MUC4: variants seen among roughly 807,000 people sequenced by gnomAD.
MUC4 encodes the protein mucin 4, cell surface associated, also known as mucin-4.
In MUC4, 202 loss-of-function variants were observed where a neutral mutation model predicts 257.9. That is an observed-to-expected ratio of 0.78 (90% CI 0.70 to 0.88). The LOEUF is 0.88. Ranked by LOEUF, MUC4 falls within the 40% of genes least tolerant of loss-of-function variation. MUC4 has a pLI of 0.00. For missense variants in MUC4, 5,976 were observed against 6,513.7 expected, an observed-to-expected ratio of 0.92 and a Z score of 2.84; for synonymous variants, 2,351 against 2,757.1, an observed-to-expected ratio of 0.85 and a Z score of 4.62.
intron 7 of MUC4, 149 bp from the exon 8 acceptor site, chr3:195,766,900 C>T (rs1720634419): frequency 1.5e-6 from 1 of 681,612 alleles, no homozygotes; most frequent in African/African-American, 1.8e-5. Flanking sequence ...CCCCCATCGT[C>T]AAGCCCCAGC....
Position 195,778,358 on chromosome 3 carries a change from G to A in MUC4, c.12888C>T (p.Ser4296=), listed in dbSNP as rs764590759. ...CTGTGGAGCGGGTGTGCATGGCAGT[G>A]CTGGGAATGGTGGAAATGATGGTCT... ...TSQTIISTIP[S]TAMHTRSTAA... Residue 4296 remains serine, a synonymous_variant, in exon 3 of 25, where the codon AGC becomes AGT. Coordinates refer to ENST00000463781, the MANE Select transcript of MUC4 (RefSeq NM_018406.7). 11 of 1,613,100 alleles carry A rather than the reference G, an allele frequency of 6.8e-6. No individual in the cohort carries two copies. The South Asian group carries it at 1.2e-4, about 18-fold the overall frequency.
intron 4 of MUC4, among the ~76,000 whole-genome samples, chr3:195,773,053 C>G (rs1383329114): frequency 7.2e-6 from 1 of 139,416 alleles, no homozygotes; most frequent in African/African-American, 2.7e-5. Flanking sequence ...CTCCCTTCAT[C>G]GCTCAGGGGT....
At chr3:195,767,822 A>G (rs1721679987) in intron 7 of MUC4, among the ~76,000 whole-genome samples, 1 of 111,230 alleles carries the variant, frequency 9.0e-6, no homozygotes, top group African/African-American at 4.6e-5. Context: ...CATCACCACC[A>G]CCACCACCAT....
Position 195,778,828 on chromosome 3 carries a change from G to A in MUC4, c.12752C>T (p.Thr4251Ile), listed in dbSNP as rs199497023. ...LAVSSATSAS[T>I]VSSDSPLKME... ...CTTCAGAGGGGAGTCCGAGGATACT[G>A]TGGAAGCTGAGGTAGCACTGCTGAC... The change falls in exon 2 of 25, where the codon ACA (threonine) becomes ATA (isoleucine). Residue 4251 changes from threonine (T) to isoleucine (I), a missense_variant. Transcript: ENST00000463781. The A allele has an allele frequency of 2.5e-6, 4 of 1,611,862 alleles. No individual in the cohort carries two copies. Among genetic ancestry groups the A allele is most frequent in the Non-Finnish European group, 1.7e-6 (2 of 1,179,156 alleles).
chr3:195,760,928 G>A lies in MUC4; in HGVS notation c.14804C>T (p.Thr4935Met), dbSNP rs533873966. 6.6e-5 allele frequency: 106 copies of A among 1,614,072 alleles called. No individual in the cohort carries two copies. The highest frequency in any genetic ancestry group is 8.1e-5 in the Non-Finnish European group (96 of 1,180,034). ...ALRNASIGLHTREVSKNYEQA... is the reference protein window; with the variant it reads ...ALRNASIGLHMREVSKNYEQA... ...CTCGTAGTTTTTACTGACTTCCCTCGTGTGAAGTCCGATGCTTGCGTTGCG... is the reference window on the plus strand; with the variant it reads ...CTCGTAGTTTTTACTGACTTCCCTCATGTGAAGTCCGATGCTTGCGTTGCG... Residue 4935 changes from threonine (T) to methionine (M), a missense_variant, in exon 16 of 25, where the codon ACG becomes ATG. Around this residue, in one of 44 missense-constraint regions of MUC4, gnomAD observed 996 missense variants for 1,137.3 expected, o/e 0.88. Coordinates refer to ENST00000463781, the MANE Select transcript of MUC4 (RefSeq NM_018406.7).
chr3:195,801,950 G>C (rs921010676), intron 1 of MUC4, among the ~76,000 whole-genome samples: 1 of 151,506 alleles, frequency 6.6e-6, no homozygotes, highest in Non-Finnish European at 1.5e-5. Context: ...TCTCTCCCCC[G>C]CTCCACGCCC....
In MUC4 at chr3:195,757,722, C is replaced by G. The variant is rs1029897391; in HGVS notation, c.14987-394G>C. ...AAACTGGCTTCACTCTCACGGCAGCCCCATCCTTTGCCCTGATTTCTCACC... is the reference window on the plus strand; with the variant it reads ...AAACTGGCTTCACTCTCACGGCAGCGCCATCCTTTGCCCTGATTTCTCACC... On this transcript the variant is annotated intron_variant, in intron 17 of 24. Coordinates refer to ENST00000463781, the MANE Select transcript of MUC4 (RefSeq NM_018406.7). This position sits in a 1 kb window ranked among gnomAD's most constrained non-coding sequence, Gnocchi z 4.8. 1.3e-5 allele frequency among the ~76,000 whole-genome samples: 2 copies of G among 151,976 alleles called. No individual in the cohort carries two copies. The highest frequency in any genetic ancestry group is 4.8e-5 in the African/African-American group (2 of 41,364).
At chr3:195,802,987 G>A (rs756326330) in intron 1 of MUC4, among the ~76,000 whole-genome samples, 3 of 151,630 alleles carry the variant, frequency 2.0e-5, no homozygotes, top group Non-Finnish European at 2.9e-5. Context: ...TCTTCTCACC[G>A]TCTGTACACA....
Position 195,789,804 on chromosome 3 carries a change from C to A in MUC4, c.1776G>T (p.Thr592=). 1 of 1,613,924 alleles carries A rather than the reference C, an allele frequency of 6.2e-7. No individual in the cohort carries two copies. The highest frequency in any genetic ancestry group is 8.5e-7 in the Non-Finnish European group (1 of 1,179,858). The change falls in exon 2 of 25, where the codon ACG becomes ACT. Residue 592 remains threonine (T), a synonymous_variant. Transcript: ENST00000463781. ...TAGGTGAAGAAGATGGGGATGTGGC[C>A]GTTTTTATCATCTGAGTCACACTGT... is the stretch of plus-strand genomic sequence containing the variant. ...PSYSVTQMIK[T]ATSPSSSPML...
rs1334017370 is a variant in MUC4 at position 195,770,275 on chromosome 3, A to C, written c.13339T>G (p.Trp4447Gly). ...TTGACCCACGTGACCTTTAGGGCCC[A>C]CCTGGCCTTGTAGCCCCCGTTGTTT... ...MTNNGGYKAR[W>G]ALKVTWVNAH... The change falls in exon 6 of 25, where the codon TGG becomes GGG. Residue 4447 changes from tryptophan to glycine, a missense_variant. Trp to Gly is a radical substitution (Grantham distance 184). Coordinates refer to ENST00000463781, the MANE Select transcript of MUC4 (RefSeq NM_018406.7). The C allele has an allele frequency of 6.2e-7, 1 of 1,614,014 alleles. No individual in the cohort carries two copies. Among genetic ancestry groups the C allele is most frequent in the Middle Eastern group, 1.6e-4 (1 of 6,062 alleles).
chr3:195,778,729 T>C (rs528407519), intron 2 of MUC4, 61 bp downstream of exon 2: 2 of 1,500,854 alleles, frequency 1.3e-6, no homozygotes, highest in African/African-American at 2.8e-5. Flanking sequence ...AGGTACTCCT[T>C]AGGCTGAATT....
At chr3:195,806,146 T>G (rs146870088) in intron 1 of MUC4, among the ~76,000 whole-genome samples, 14 of 152,212 alleles carry the variant, frequency 9.2e-5, no homozygotes, top group African/African-American at 3.1e-4. Context: ...TAACATAAAA[T>G]TCATAATCTA....
Position 195,772,773 on chromosome 3 carries a change from C to T in MUC4, c.13078-957G>A, listed in dbSNP as rs1578123808. 5.5e-5 allele frequency among the ~76,000 whole-genome samples: 8 copies of T among 146,068 alleles called. 1 individual carries two copies. Among genetic ancestry groups the T allele is most frequent in the African/African-American group, 1.0e-4 (4 of 39,902 alleles). On this transcript the variant is annotated intron_variant, in intron 4 of 24. Coordinates refer to ENST00000463781, the MANE Select transcript of MUC4 (RefSeq NM_018406.7). Reference sequence around the variant, plus strand: ...AGGGGTGTAGACACCCCCTCTCCATCGCTCAGGGGTGTAGACACCCCCTCT... The same window carrying T: ...AGGGGTGTAGACACCCCCTCTCCATTGCTCAGGGGTGTAGACACCCCCTCT...
chr3:195,748,236 C>G (rs1233283513), intron 24 of MUC4, among the ~76,000 whole-genome samples: 1 of 152,276 alleles, frequency 6.6e-6, no homozygotes, highest in Non-Finnish European at 1.5e-5. Flanking sequence ...CACAAGGAGA[C>G]AGCAGGGAAG....
In MUC4 at chr3:195,749,016, C is replaced by G; in HGVS notation, c.15920G>C (p.Gly5307Ala). 1 of 1,609,568 alleles carries G rather than the reference C, an allele frequency of 6.2e-7. No homozygotes were observed. The highest frequency in any genetic ancestry group is 2.2e-5 in the East Asian group (1 of 44,678). The stretch of plus-strand genomic sequence containing the variant: ...CTGGGGGCTGTAGACCAGGTCGTAG[C>G]CCTTGTAGCCATCGCATCTGAAGTA... ...KAYFRCDGYK[G>A]YDLVYSPQSG... The change falls in exon 24 of 25, where the codon GGC (glycine) becomes GCC (alanine). Residue 5307 changes from glycine to alanine, a missense_variant. By Grantham distance (60) the Gly-to-Ala change is moderately conservative (BLOSUM62 0). Around this residue, in one of 44 missense-constraint regions of MUC4, gnomAD observed 310 missense variants for 242.1 expected, o/e 1.28. Transcript: ENST00000463781.
rs1733771134 is a variant in MUC4, at chr3:195,790,870, T to G, written c.710A>C (p.Gln237Pro). The G allele has an allele frequency of 1.2e-6, 2 of 1,613,992 alleles. No homozygotes were observed. The highest frequency in any genetic ancestry group is 8.5e-7 in the Non-Finnish European group (1 of 1,179,894). ...SVHNVTGTVS[Q>P]KTSPSGETAT... The stretch of plus-strand genomic sequence containing the variant: ...TGTTTCACCTGAAGGAGATGTCTTC[T>G]GAGAAACAGTCCCTGTCACATTGTG... The change falls in exon 2 of 25, where the codon CAG becomes CCG. Residue 237 changes from glutamine (Q) to proline (P), a missense_variant. Physicochemically the swap from Gln to Pro is moderately conservative, Grantham distance 76 (BLOSUM62 -1). Transcript: ENST00000463781.
chr3:195,767,727 TCACCACCAC>T (rs1560264103), intron 7 of MUC4, among the ~76,000 whole-genome samples: 12 of 1,630 alleles, frequency 7.4e-3, no homozygotes, highest in South Asian at 0.083. Context: ...ACCACCACCA[TCACCACCAC>T]CATCACCATC....
At position 195,788,582 on chromosome 3, in the gene MUC4, A is replaced by G. The variant is rs1341623703; in HGVS notation, c.2998T>C (p.Ser1000Pro). 1 of 1,568,332 alleles carries G rather than the reference A, an allele frequency of 6.4e-7. No homozygotes were observed. Among genetic ancestry groups the G allele is most frequent in the Non-Finnish European group, 8.7e-7 (1 of 1,155,726 alleles). The change falls in exon 2 of 25, where the codon TCA becomes CCA. Residue 1000 changes from serine to proline, a missense_variant. Coordinates refer to ENST00000463781, the MANE Select transcript of MUC4 (RefSeq NM_018406.7). ...GGGGTGGCGTGACCTGTGGATACTG[A>G]GGAAGCATCGGTGACATGAAGAGGG... The part of the protein sequence containing the change: ...TTPLHVTDAS[S>P]VSTGHATPLP...
intron 14 of MUC4, 106 bp from the exon 15 acceptor site, chr3:195,761,691 G>A: frequency 1.2e-6 from 1 of 854,192 alleles, no homozygotes; most frequent in Non-Finnish European, 1.9e-6. Flanking sequence ...GGCAGCCTCT[G>A]CTCTTGCACC....
Sources: gnomAD v4.1 joint callset for allele counts (sites outside exome capture counted in the v4.1 genomes callset) on GRCh38, gnomAD v4.1.1 for gene constraint, gnomAD v4.1.1 regional missense constraint, Gnocchi (gnomAD v3.1) non-coding constraint, MANE v1.5 for transcripts, NCBI Gene and HGNC (gene_info 2026-07-23, HGNC 2026-07-21) for gene names.